The following ACKR3 variants were observed in gnomAD, a reference collection of about 807,000 sequenced individuals.
The protein encoded by ACKR3 is atypical chemokine receptor 3, also known as C-X-C chemokine receptor type 7.
Under a neutral mutation model 22.4 loss-of-function variants are expected in ACKR3, and 6 were observed. That is an observed-to-expected ratio of 0.27 (90% confidence interval 0.15 to 0.53). The LOEUF (loss-of-function observed/expected upper bound fraction) is 0.53, where lower values mean the gene tolerates loss of function less well. Among genes scored for constraint, ACKR3 ranks in the 20% least tolerant of loss-of-function variants. The pLI, the probability that ACKR3 is intolerant of heterozygous loss-of-function variation, is 0.96. For synonymous variants in ACKR3, 209 were observed against 205.2 expected, an observed-to-expected ratio of 1.02 and a Z score of -0.16; for missense variants, 396 against 475.2, an observed-to-expected ratio of 0.83 and a Z score of 1.55.
intron 1 of ACKR3, 137 bp from the exon 2 acceptor site, chr2:236,580,303 C>A: frequency 1.2e-6 from 1 of 814,972 alleles, no homozygotes; most frequent in Non-Finnish European, 1.9e-6. Context: ...CCCTTCTTTG[C>A]AAAGACATTA....
rs2106506581 is a variant in ACKR3, at chr2:236,577,661, C to T, written c.-26-2779C>T. Among the ~76,000 whole-genome samples the T allele has an allele frequency of 6.6e-6, 1 of 152,266 alleles. No individual in the cohort carries two copies. The highest frequency in any genetic ancestry group is 2.1e-4 in the South Asian group (1 of 4,818). ...CCAGCCGGCATCTGACATGTCTCTA[C>T]ACTGGAGGGCAAGTAAGACCTGAGC... On this transcript the variant is annotated intron_variant, in intron 1 of 1. Coordinates refer to ENST00000272928, the MANE Select transcript of ACKR3 (RefSeq NM_020311.3). This position sits in a 1 kb window ranked among gnomAD's most constrained non-coding sequence, Gnocchi z 5.6.
chr2:236,566,718 C>CGCTTCCTTCCTTCCTT (rs1691187039), upstream of ACKR3, among the ~76,000 whole-genome samples: 6 of 114,490 alleles, frequency 5.2e-5, no homozygotes, highest in African/African-American at 2.5e-4. Flanking sequence ...TCCTTTCCTT[C>CGCTTCCTTCCTTCCTT]CCTTCCTTCC....
At chr2:236,543,321 T>C in the ACKR3 span, among the ~76,000 whole-genome samples, 1 of 152,254 alleles carries the variant, frequency 6.6e-6, no homozygotes, top group East Asian at 1.9e-4. Flanking sequence ...GGAAATGATA[T>C]GGAGCAGGAT....
chr2:236,548,725 C>G, the ACKR3 span, among the ~76,000 whole-genome samples: 1 of 152,192 alleles, frequency 6.6e-6, no homozygotes, highest in South Asian at 2.1e-4. This position sits in a 1 kb window ranked among gnomAD's most constrained non-coding sequence, Gnocchi z 4.3. Context: ...GACTATGGAG[C>G]ATTGTTTGAA....
intron 1 of ACKR3, among the ~76,000 whole-genome samples, chr2:236,576,546 C>T (rs1691414777): frequency 6.6e-6 from 1 of 152,180 alleles, no homozygotes; most frequent in African/African-American, 2.4e-5. Flanking sequence ...AGCTTTTGTT[C>T]CTATCAGGGA....
At position 236,581,742 on chromosome 2, in the gene ACKR3, G is replaced by C; in HGVS notation, c.*188G>C. The C allele has an allele frequency of 1.3e-6, 1 of 759,364 alleles. No individual in the cohort carries two copies. Among genetic ancestry groups the C allele is most frequent in the South Asian group, 2.2e-5 (1 of 46,008 alleles). The allele number at this position is 759,364 out of a possible 1,614,324, so 47.0% of individuals were successfully genotyped here. On this transcript the variant is annotated 3_prime_UTR_variant, in exon 2 of 2. Coordinates refer to ENST00000272928, the MANE Select transcript of ACKR3 (RefSeq NM_020311.3). This position sits in a 1 kb window ranked among gnomAD's most constrained non-coding sequence, Gnocchi z 4.4. Reference sequence around the variant, plus strand: ...ACGCAGCTGTCATTTGGCTGTGCGTGCTGACAGTTTTGCAACAGGCAGAGC... The same window carrying C: ...ACGCAGCTGTCATTTGGCTGTGCGTCCTGACAGTTTTGCAACAGGCAGAGC...
chr2:236,560,173 A>T, the ACKR3 span, among the ~76,000 whole-genome samples: 3 of 152,272 alleles, frequency 2.0e-5, no homozygotes, highest in Admixed American at 2.0e-4. Context: ...CAGAAGTGGG[A>T]TTGCTGGATT....
At chr2:236,553,398 G>A in the ACKR3 span, among the ~76,000 whole-genome samples, 1 of 152,230 alleles carries the variant, frequency 6.6e-6, no homozygotes, top group Non-Finnish European at 1.5e-5. Context: ...TCCCTTAAGG[G>A]GAACTCTTTA....
chr2:236,561,187 G>C, the ACKR3 span, among the ~76,000 whole-genome samples: 2 of 152,118 alleles, frequency 1.3e-5, no homozygotes, highest in African/African-American at 4.8e-5. Context: ...TAAGCATAAA[G>C]TTTTGATGTA....
rs771690309 is a variant in ACKR3, at chr2:236,577,853, G to C, written c.-26-2587G>C. Among the ~76,000 whole-genome samples the C allele has an allele frequency of 7.9e-5, 12 of 152,240 alleles. No homozygotes were observed. Among genetic ancestry groups the C allele is most frequent in the East Asian group, 1.9e-4 (1 of 5,186 alleles). ...GCTGTGCCAGTGGGGACAGAGCAGG[G>C]AGCCCAAGCCAGGCGCCAGCCGAGC... is the stretch of plus-strand genomic sequence containing the variant. On this transcript the variant is annotated intron_variant, in intron 1 of 1. Coordinates refer to ENST00000272928, the MANE Select transcript of ACKR3 (RefSeq NM_020311.3). This position sits in a 1 kb window ranked among gnomAD's most constrained non-coding sequence, Gnocchi z 5.6.
chr2:236,567,589 G>A (rs746345953), upstream of ACKR3, among the ~76,000 whole-genome samples: 1 of 152,190 alleles, frequency 6.6e-6, no homozygotes, highest in African/African-American at 2.4e-5. Context: ...GGGACAGGGT[G>A]GGAGGCCCAA....
the ACKR3 span, among the ~76,000 whole-genome samples, chr2:236,560,719 G>A: frequency 2.0e-5 from 3 of 151,904 alleles, no homozygotes; most frequent in African/African-American, 4.8e-5. Flanking sequence ...TTCGCTGCCC[G>A]TGCTTCTGAT....
chr2:236,571,406 T>G (rs755474127), intron 1 of ACKR3, among the ~76,000 whole-genome samples: 8 of 152,204 alleles, frequency 5.3e-5, no homozygotes, highest in African/African-American at 7.2e-5. Flanking sequence ...TGCAGTTTGC[T>G]GCCCATCAGC....
the ACKR3 span, among the ~76,000 whole-genome samples, chr2:236,550,052 C>T: frequency 6.6e-6 from 1 of 152,174 alleles, no homozygotes; most frequent in Non-Finnish European, 1.5e-5. This position sits in a 1 kb window ranked among gnomAD's most constrained non-coding sequence, Gnocchi z 4.6. Context: ...TTGACAAGGG[C>T]TCTTTAAATG....
the ACKR3 span, among the ~76,000 whole-genome samples, chr2:236,541,433 C>T: frequency 2.6e-4 from 39 of 152,336 alleles, no homozygotes; most frequent in Non-Finnish European, 2.8e-4. Flanking sequence ...TGGGATTCCA[C>T]CTCTTTCTCT....
intron 1 of ACKR3, among the ~76,000 whole-genome samples, chr2:236,573,287 A>AGCGG (rs1269345060): frequency 6.6e-6 from 1 of 152,248 alleles, no homozygotes; most frequent in Non-Finnish European, 1.5e-5. Context: ...GCTCAGCGTA[A>AGCGG]GCGGGGCTGG....
At chr2:236,572,226 A>G (rs1030398064) in intron 1 of ACKR3, among the ~76,000 whole-genome samples, 3 of 152,236 alleles carry the variant, frequency 2.0e-5, no homozygotes, top group Non-Finnish European at 4.4e-5. Flanking sequence ...AAAAAACAAA[A>G]CAAAACACTA....
the ACKR3 span, among the ~76,000 whole-genome samples, chr2:236,545,599 TATCAA>T: frequency 6.6e-6 from 1 of 152,174 alleles, no homozygotes; most frequent in African/African-American, 2.4e-5. This position sits in a 1 kb window ranked among gnomAD's most constrained non-coding sequence, Gnocchi z 5.3. Context: ...AGAATGAGTG[TATCAA>T]ATCGTCAATA....
intron 1 of ACKR3, 56 bp from the exon 2 acceptor site, chr2:236,580,384 T>C (rs1334207189): frequency 8.5e-6 from 13 of 1,532,850 alleles, no homozygotes; most frequent in Non-Finnish European, 9.7e-6. Context: ...CTTGAGTTTT[T>C]CCTAATGAAG....
Sources: gnomAD v4.1 joint callset for allele counts (sites outside exome capture counted in the v4.1 genomes callset) on GRCh38, gnomAD v4.1.1 for gene constraint, Gnocchi (gnomAD v3.1) non-coding constraint, MANE v1.5 for transcripts, NCBI Gene and HGNC (gene_info 2026-07-23, HGNC 2026-07-21) for gene names.